PCDH11Y: variants seen among roughly 807,000 people sequenced by gnomAD.
PCDH11Y encodes protocadherin-11 Y-linked.
For synonymous variants in PCDH11Y, 9 were observed against 83.6 expected (o/e 0.11, Z 4.87); for missense variants, 12 against 224.8 (o/e 0.05, Z 6.05).
chrY:5,734,220 C>T (rs1390691309), intron 4 of PCDH11Y, among the ~76,000 whole-genome samples: 28 of 31,890 alleles, frequency 8.8e-4, no homozygotes, highest in Middle Eastern at 0.014. Flanking sequence ...CTTCAAACAC[C>T]TGGAGATCTG....
intron 2 of PCDH11Y, among the ~76,000 whole-genome samples, chrY:5,315,349 G>A (rs2124665034): frequency 1.2e-4 from 4 of 33,737 alleles, no homozygotes; most frequent in African/African-American, 4.6e-4. Flanking sequence ...AATAATCTCT[G>A]AGATATGGTT....
intron 3 of PCDH11Y, among the ~76,000 whole-genome samples, chrY:5,521,779 T>G: frequency 1.8e-4 from 6 of 32,964 alleles, no homozygotes; most frequent in African/African-American, 7.1e-4. Context: ...ATGTCAGTGT[T>G]TGCCAAAGTT....
intron 2 of PCDH11Y, among the ~76,000 whole-genome samples, chrY:5,289,910 C>T (rs2124661762): frequency 3.0e-5 from 1 of 32,807 alleles, no homozygotes; most frequent in South Asian, 7.0e-4. Context: ...CATGGGAGTG[C>T]GGATATCACT....
intron 4 of PCDH11Y, among the ~76,000 whole-genome samples, chrY:5,698,978 C>A: frequency 6.0e-5 from 2 of 33,287 alleles, no homozygotes; most frequent in African/African-American, 2.4e-4. Context: ...GGCTGCTGAA[C>A]TTTGGATGGA....
chrY:5,180,996 A>G, intron 2 of PCDH11Y, among the ~76,000 whole-genome samples: 1 of 33,147 alleles, frequency 3.0e-5, no homozygotes, highest in African/African-American at 1.2e-4. Flanking sequence ...TTGTTTATGT[A>G]GTTGCTTCAT....
intron 2 of PCDH11Y, among the ~76,000 whole-genome samples, chrY:5,487,392 T>A (rs2053334982): frequency 3.1e-5 from 1 of 32,024 alleles, no homozygotes. Flanking sequence ...AGAGACAGGG[T>A]TTCACCATCT....
intron 3 of PCDH11Y, among the ~76,000 whole-genome samples, chrY:5,579,907 T>C: frequency 3.3e-5 from 1 of 30,418 alleles, no homozygotes; most frequent in African/African-American, 1.3e-4. Flanking sequence ...AATGAATGCA[T>C]TTCTTAGTGG....
At chrY:5,192,237 G>A in intron 2 of PCDH11Y, among the ~76,000 whole-genome samples, 3 of 30,274 alleles carry the variant, frequency 9.9e-5, no homozygotes, top group Admixed American at 3.0e-4. Context: ...AGTCCCTGGT[G>A]CCAAAAAGGT....
intron 2 of PCDH11Y, among the ~76,000 whole-genome samples, chrY:5,445,442 T>A (rs2053286698): frequency 3.4e-5 from 1 of 29,507 alleles, no homozygotes; most frequent in African/African-American, 1.3e-4. Flanking sequence ...TTCTTCCTCT[T>A]CCTCTTCCTC....
At chrY:5,134,461 C>T (rs2052836866) in intron 2 of PCDH11Y, among the ~76,000 whole-genome samples, 1 of 32,692 alleles carries the variant, frequency 3.1e-5, no homozygotes, top group Non-Finnish European at 7.5e-5. Flanking sequence ...AGATTTTTCC[C>T]CATTTAGTAT....
chrY:5,407,667 A>T, intron 2 of PCDH11Y, among the ~76,000 whole-genome samples: 2 of 32,716 alleles, frequency 6.1e-5, no homozygotes, highest in African/African-American at 1.2e-4. Flanking sequence ...TAATCCCAGC[A>T]CTTTGGGAGG....
chrY:5,417,502 A>T, intron 2 of PCDH11Y, among the ~76,000 whole-genome samples: 1 of 33,086 alleles, frequency 3.0e-5, no homozygotes, highest in East Asian at 8.1e-4. Context: ...ATAGAAGAGG[A>T]AGAAGATAAC....
At chrY:5,677,688 A>G in intron 4 of PCDH11Y, among the ~76,000 whole-genome samples, 1 of 33,200 alleles carries the variant, frequency 3.0e-5, no homozygotes, top group Non-Finnish European at 7.4e-5. Flanking sequence ...AGTAAATTAG[A>G]TTAAGACTTA....
intron 2 of PCDH11Y, among the ~76,000 whole-genome samples, chrY:5,176,671 A>C (rs1454907593): frequency 7.9e-3 from 249 of 31,548 alleles, no homozygotes; most frequent in Middle Eastern, 0.042. Context: ...CACAAGTGCT[A>C]ATGGTCACCA....
At chrY:5,734,321 G>A (rs2053607927) in intron 4 of PCDH11Y, among the ~76,000 whole-genome samples, 5 of 32,671 alleles carry the variant, frequency 1.5e-4, no homozygotes, top group East Asian at 1.7e-3. Flanking sequence ...GCAAGTGGGC[G>A]CTCCAGATGC....
chrY:5,354,571 GCACACA>G (rs2053163611), intron 2 of PCDH11Y, among the ~76,000 whole-genome samples: 2 of 32,246 alleles, frequency 6.2e-5, no homozygotes, highest in South Asian at 1.4e-3. Context: ...GCTTATACGC[GCACACA>G]CACACGCACA....
chrY:5,307,031 A>C, intron 2 of PCDH11Y, among the ~76,000 whole-genome samples: 6 of 33,350 alleles, frequency 1.8e-4, no homozygotes, highest in Non-Finnish European at 3.7e-4. Flanking sequence ...TCACAAGGAT[A>C]ATACGGAGTA....
At chrY:5,338,106 A>G in intron 2 of PCDH11Y, 1 of 342,597 alleles carries the variant, frequency 2.9e-6, no homozygotes, top group Non-Finnish European at 4.3e-6. Flanking sequence ...TCAGTGAGCC[A>G]GTCCACCTTC....
chrY:5,597,775 A>G, intron 4 of PCDH11Y, among the ~76,000 whole-genome samples: 1 of 32,156 alleles, frequency 3.1e-5, no homozygotes, highest in Non-Finnish European at 7.6e-5. Context: ...CTAAGCTATG[A>G]GGACGCAAAG....
Sources: allele counts gnomAD v4.1 joint callset (sites outside exome capture counted in the v4.1 genomes callset), GRCh38; gene constraint gnomAD v4.1.1; transcripts MANE v1.5; gene names NCBI Gene and HGNC (gene_info 2026-07-23, HGNC 2026-07-21).